SAMD12: variants seen among roughly 807,000 people sequenced by gnomAD.
SAMD12 encodes sterile alpha motif domain-containing protein 12.
A neutral mutation model predicts 15.0 loss-of-function variants in SAMD12; 9 were observed. The ratio of observed to expected loss-of-function variants is 0.60; its 90% CI spans 0.36 to 1.05. The LOEUF (loss-of-function observed/expected upper bound fraction) is 1.05. SAMD12 is among the 50% of genes least tolerant of loss of function. The probability of loss-of-function intolerance (pLI) is 0.01; values close to 1 mark genes in which losing one functional copy is unlikely to be tolerated. For missense variants in SAMD12, 230 were observed against 234.2 expected (o/e 0.98, Z 0.12); for synonymous variants, 86 against 90.1 (o/e 0.96, Z 0.25).
downstream of SAMD12, among the ~76,000 whole-genome samples, chr8:118,187,518 C>A (rs980311861): frequency 6.6e-6 from 1 of 152,144 alleles, no homozygotes; most frequent in African/African-American, 2.4e-5. Context: ...CTAGGTCTCA[C>A]AAAAGAGATT....
intron 4 of SAMD12, among the ~76,000 whole-genome samples, chr8:118,312,818 G>A (rs573302097): frequency 6.6e-6 from 1 of 152,262 alleles, no homozygotes; most frequent in South Asian, 2.1e-4. Flanking sequence ...TCAGAGCTAA[G>A]TTCAAAGGGC....
At chr8:118,439,373 G>A (rs1822665727) in intron 3 of SAMD12, among the ~76,000 whole-genome samples, 1 of 152,052 alleles carries the variant, frequency 6.6e-6, no homozygotes, top group Admixed American at 6.6e-5. Flanking sequence ...TTTCCACCAT[G>A]GACTCTTTCA....
At chr8:118,352,678 C>T (rs535305570) in intron 4 of SAMD12, among the ~76,000 whole-genome samples, 3 of 152,232 alleles carry the variant, frequency 2.0e-5, no homozygotes, top group East Asian at 1.9e-4. Context: ...GGCAATAAAA[C>T]GATCAATAGG....
intron 4 of SAMD12, among the ~76,000 whole-genome samples, chr8:118,367,865 C>A (rs895574913): frequency 6.6e-6 from 1 of 152,126 alleles, no homozygotes; most frequent in Non-Finnish European, 1.5e-5. Flanking sequence ...TATTTTTCTA[C>A]CATGAACAAT....
chr8:118,159,431 G>A, the SAMD12 span, among the ~76,000 whole-genome samples: 2 of 152,124 alleles, frequency 1.3e-5, no homozygotes, highest in South Asian at 4.1e-4. Flanking sequence ...TCTTTGTCTG[G>A]TTTGCCCTTG....
At chr8:118,194,103 G>A (rs1198088935) in exon 5 of SAMD12, 1 of 152,246 alleles carries the variant, frequency 6.6e-6, no homozygotes, top group South Asian at 2.1e-4. Flanking sequence ...GACAAAGAAA[G>A]CATTTGCAAG....
intron 4 of SAMD12, among the ~76,000 whole-genome samples, chr8:118,237,778 T>C (rs911901993): frequency 2.0e-5 from 3 of 152,114 alleles, no homozygotes; most frequent in Non-Finnish European, 4.4e-5. Context: ...ATGTAAACAT[T>C]AAAAAAATTC....
At chr8:118,346,036 T>G in intron 4 of SAMD12, among the ~76,000 whole-genome samples, 1 of 152,216 alleles carries the variant, frequency 6.6e-6, no homozygotes, top group East Asian at 1.9e-4. Context: ...TGGAGACCCT[T>G]GGTGCATCTG....
intron 3 of SAMD12, among the ~76,000 whole-genome samples, chr8:118,394,483 T>G (rs370072271): frequency 5.3e-5 from 8 of 152,228 alleles, no homozygotes; most frequent in African/African-American, 1.9e-4. Flanking sequence ...GCCAAAATCC[T>G]GGACATTGCT....
intron 4 of SAMD12, among the ~76,000 whole-genome samples, chr8:118,230,132 T>C (rs1440915858): frequency 6.6e-6 from 1 of 152,046 alleles, no homozygotes. Flanking sequence ...GTAACAATGA[T>C]AATAGGAGCC....
At chr8:118,290,459 G>A (rs1194088914) in intron 4 of SAMD12, among the ~76,000 whole-genome samples, 2 of 152,178 alleles carry the variant, frequency 1.3e-5, no homozygotes, top group African/African-American at 4.8e-5. Context: ...CTACCCACTG[G>A]TTGCCCTCAA....
chr8:118,376,229 A>G (rs556707336), downstream of SAMD12, among the ~76,000 whole-genome samples: 1 of 152,328 alleles, frequency 6.6e-6, no homozygotes, highest in African/African-American at 2.4e-5. Context: ...TCTTCTTAAA[A>G]TGCGTTGGTT....
chr8:118,494,580 T>G (rs1824548850), intron 2 of SAMD12, among the ~76,000 whole-genome samples: 1 of 152,216 alleles, frequency 6.6e-6, no homozygotes, highest in Non-Finnish European at 1.5e-5. Context: ...AAGGACATCG[T>G]GCCTCTGTAC....
chr8:118,387,047 G>T (rs1015133113), intron 3 of SAMD12, among the ~76,000 whole-genome samples: 3 of 152,162 alleles, frequency 2.0e-5, no homozygotes, highest in African/African-American at 7.2e-5. Context: ...TCAGGTAAAG[G>T]CCTGGGTCAT....
chr8:118,184,021 G>A, the SAMD12 span, among the ~76,000 whole-genome samples: 1 of 152,312 alleles, frequency 6.6e-6, no homozygotes, highest in Admixed American at 6.5e-5. Flanking sequence ...ATGAGGTGAT[G>A]TAAAGAATAT....
At chr8:118,314,098 TTAAAA>T (rs1265924149) in intron 4 of SAMD12, among the ~76,000 whole-genome samples, 1 of 152,192 alleles carries the variant, frequency 6.6e-6, no homozygotes, top group Non-Finnish European at 1.5e-5. Context: ...CCTCATTAAC[TTAAAA>T]TCAAGGAACA....
intron 1 of SAMD12, among the ~76,000 whole-genome samples, chr8:118,582,523 C>A (rs2131262153): frequency 6.6e-6 from 1 of 152,322 alleles, no homozygotes; most frequent in South Asian, 2.1e-4. Context: ...AATTTCTCTT[C>A]TCCTAGTCTC....
At position 118,511,819 on chromosome 8, in the gene SAMD12, C is replaced by A. The variant is rs1044738118; in HGVS notation, c.192+68896G>T. On this transcript the variant is annotated intron_variant, in intron 2 of 3. Coordinates refer to ENST00000314727, the MANE Select transcript of SAMD12 (RefSeq NM_207506.3). ...TCCCATTGTGATGACATTAAAGGTG[C>A]CCATTTATTTTGTAAAACACAAGAG... Among the ~76,000 whole-genome samples, 9 of 152,182 alleles carry A rather than the reference C, an allele frequency of 5.9e-5. No individual in the cohort carries two copies. In the East Asian group the frequency reaches 1.5e-3, roughly 26 times the overall value.
At chr8:118,394,434 G>A (rs1820444969) in intron 3 of SAMD12, among the ~76,000 whole-genome samples, 2 of 152,140 alleles carry the variant, frequency 1.3e-5, no homozygotes, top group African/African-American at 4.8e-5. Context: ...CAAATTACAA[G>A]CTCTTGAAAG....
Sources: allele counts gnomAD v4.1 joint callset (sites outside exome capture counted in the v4.1 genomes callset), GRCh38; gene constraint gnomAD v4.1.1; transcripts MANE v1.5; gene names NCBI Gene and HGNC (gene_info 2026-07-23, HGNC 2026-07-21).